CTNNA2: variants seen among roughly 807,000 people sequenced by gnomAD.
CTNNA2 encodes the protein catenin alpha-2.
CTNNA2 carries 42 observed loss-of-function variants against 101.0 expected under a neutral mutation model. That is an observed-to-expected ratio of 0.42 (90% confidence interval 0.32 to 0.54). The LOEUF is 0.54. Ranked by LOEUF, CTNNA2 falls within the 20% of genes least tolerant of loss-of-function variation. The probability of loss-of-function intolerance (pLI) is 0.14; values close to 1 mark genes in which losing one functional copy is unlikely to be tolerated. For synonymous variants in CTNNA2, 450 were observed against 456.4 expected, an observed-to-expected ratio of 0.99 and a Z score of 0.18; for missense variants, 871 against 1,223.1, an observed-to-expected ratio of 0.71 and a Z score of 4.29.
At chr2:79,587,727 C>T (rs774295441) in intron 1 of CTNNA2, among the ~76,000 whole-genome samples, 13 of 152,168 alleles carry the variant, frequency 8.5e-5, no homozygotes, top group Admixed American at 1.3e-4. Context: ...GGGAGTCCAG[C>T]CCAAGAATAG....
intron 7 of CTNNA2, among the ~76,000 whole-genome samples, chr2:80,203,786 A>G (rs1420536821): frequency 1.3e-5 from 2 of 152,036 alleles, no homozygotes; most frequent in Non-Finnish European, 2.9e-5. Flanking sequence ...GGGGGCTCCA[A>G]CTCCACATTT....
intron 7 of CTNNA2, among the ~76,000 whole-genome samples, chr2:80,021,999 GACAA>G (rs1423018150): frequency 5.9e-5 from 9 of 152,250 alleles, no homozygotes; most frequent in East Asian, 3.9e-4. Context: ...CCCAGTAGAA[GACAA>G]ACAGTCTGCA....
chr2:79,520,941 C>T (rs924806891), intron 1 of CTNNA2, among the ~76,000 whole-genome samples: 40 of 151,448 alleles, frequency 2.6e-4, no homozygotes, highest in Non-Finnish European at 4.9e-4. Context: ...TCTTACCATA[C>T]GATCCAGAAA....
At chr2:79,614,413 A>AT (rs1678486758) in intron 1 of CTNNA2, among the ~76,000 whole-genome samples, 1 of 152,026 alleles carries the variant, frequency 6.6e-6, no homozygotes, top group Admixed American at 6.6e-5. Context: ...ACCTGCAATA[A>AT]TTTTTCCTAG....
At chr2:79,932,989 G>A (rs991826256) in intron 7 of CTNNA2, among the ~76,000 whole-genome samples, 2 of 152,146 alleles carry the variant, frequency 1.3e-5, no homozygotes, top group Non-Finnish European at 1.5e-5. Flanking sequence ...TTGTCTGTAC[G>A]TACGTCATTT....
At chr2:79,378,321 G>A (rs1678001699) in intron 4 of CTNNA2, among the ~76,000 whole-genome samples, 1 of 152,266 alleles carries the variant, frequency 6.6e-6, no homozygotes, top group East Asian at 1.9e-4. Context: ...CTAAAACAGA[G>A]TCCCCTAAGT....
chr2:80,375,004 TCAGCCCAGATGATGTGATTTG>T (rs1277511578), intron 7 of CTNNA2, among the ~76,000 whole-genome samples: 5 of 152,100 alleles, frequency 3.3e-5, no homozygotes, highest in Admixed American at 1.3e-4. Context: ...GCAGGCTCCT[TCAGCCCAGATGATGTGATTTG>T]CAGCCTGCAG....
chr2:80,067,621 A>G (rs1698070397), intron 7 of CTNNA2, among the ~76,000 whole-genome samples: 1 of 152,214 alleles, frequency 6.6e-6, no homozygotes, highest in African/African-American at 2.4e-5. Flanking sequence ...CTTTAACTAC[A>G]CAAATAAATG....
intron 7 of CTNNA2, among the ~76,000 whole-genome samples, chr2:80,092,980 G>T (rs1005243555): frequency 6.6e-6 from 1 of 151,800 alleles, no homozygotes; most frequent in East Asian, 1.9e-4. Flanking sequence ...AGTTATTCTT[G>T]AAAGAATTGT....
At chr2:79,446,285 C>T (rs1678832201) in intron 4 of CTNNA2, among the ~76,000 whole-genome samples, 1 of 151,994 alleles carries the variant, frequency 6.6e-6, no homozygotes, top group South Asian at 2.1e-4. Flanking sequence ...AATAACCCTA[C>T]ATTGAAGGTT....
chr2:79,395,043 T>C (rs1678214535), intron 4 of CTNNA2, among the ~76,000 whole-genome samples: 1 of 152,134 alleles, frequency 6.6e-6, no homozygotes, highest in South Asian at 2.1e-4. Context: ...CATGCCTCTG[T>C]GATAGATTCG....
intron 7 of CTNNA2, among the ~76,000 whole-genome samples, chr2:80,333,027 C>A (rs1671473149): frequency 6.6e-6 from 1 of 152,076 alleles, no homozygotes; most frequent in African/African-American, 2.4e-5. Context: ...CACAGCCATA[C>A]CTATTTGTTT....
At chr2:79,723,930 C>T (rs765469703) in intron 2 of CTNNA2, among the ~76,000 whole-genome samples, 1 of 152,184 alleles carries the variant, frequency 6.6e-6, no homozygotes, top group Non-Finnish European at 1.5e-5. Context: ...TGAATCCTGC[C>T]TCTAGATCCC....
chr2:79,728,588 C>T (rs1268504919), intron 2 of CTNNA2, among the ~76,000 whole-genome samples: 1 of 152,164 alleles, frequency 6.6e-6, no homozygotes, highest in African/African-American at 2.4e-5. Flanking sequence ...AATTAGATCC[C>T]ATTTGTCAAT....
At chr2:79,292,942 G>A (rs1675864087) in intron 2 of CTNNA2, 1 of 152,254 alleles carries the variant, frequency 6.6e-6, no homozygotes, top group Non-Finnish European at 1.5e-5. Flanking sequence ...CACTCATAAA[G>A]TGGTAGAATG....
rs1310971974 is a variant in CTNNA2 at position 80,169,756 on chromosome 2, T to C, written c.1057-223455T>C. Among the ~76,000 whole-genome samples the C allele has an allele frequency of 2.6e-5, 4 of 152,350 alleles. No homozygotes were observed. In the East Asian group the frequency reaches 7.7e-4, roughly 29 times the overall value. The stretch of plus-strand genomic sequence containing the variant: ...CATTTTGGCTGTGAGCTGCTCCTGC[T>C]CTTGCATGGTTGCATATATAGCATT... On this transcript the variant is annotated intron_variant, in intron 7 of 18. Transcript: ENST00000402739.
intron 6 of CTNNA2, among the ~76,000 whole-genome samples, chr2:79,880,125 G>A (rs888460194): frequency 1.3e-5 from 2 of 152,106 alleles, no homozygotes; most frequent in Non-Finnish European, 2.9e-5. Flanking sequence ...TACTTTTCTT[G>A]ATTTGCCTAT....
At chr2:79,651,493 C>A in intron 1 of CTNNA2, 59 bp from the exon 2 acceptor site, 1 of 1,505,674 alleles carries the variant, frequency 6.6e-7, no homozygotes, top group Non-Finnish European at 9.2e-7. Context: ...TTTGAATCAC[C>A]AAAGTTACAA....
At chr2:80,448,742 C>T (rs2149452499) in intron 9 of CTNNA2, among the ~76,000 whole-genome samples, 1 of 152,256 alleles carries the variant, frequency 6.6e-6, no homozygotes, top group Middle Eastern at 3.4e-3. Context: ...AGGCAAGGAG[C>T]TGATAAAATA....
Sources: gnomAD v4.1 joint callset for allele counts (sites outside exome capture counted in the v4.1 genomes callset) on GRCh38, gnomAD v4.1.1 for gene constraint, MANE v1.5 for transcripts, NCBI Gene and HGNC (gene_info 2026-07-23, HGNC 2026-07-21) for gene names.